TENM3: variants seen among roughly 807,000 people sequenced by gnomAD.
TENM3 encodes teneurin-3.
A neutral mutation model predicts 255.1 loss-of-function variants in TENM3; 63 were observed. The ratio of observed to expected loss-of-function variants is 0.25; its 90% CI spans 0.20 to 0.30. TENM3 has a LOEUF of 0.30. TENM3 is among the 10% of genes least tolerant of loss of function. The probability of loss-of-function intolerance (pLI) is 1.00; values close to 1 mark genes in which losing one functional copy is unlikely to be tolerated. For missense variants in TENM3, 2,929 were observed against 3,461.1 expected (o/e 0.85, Z 3.86); for synonymous variants, 1,306 against 1,322.3 (o/e 0.99, Z 0.27).
At chr4:181,711,526 T>C in the TENM3 span, among the ~76,000 whole-genome samples, 2 of 152,210 alleles carry the variant, frequency 1.3e-5, no homozygotes, top group Admixed American at 1.3e-4. Flanking sequence ...TTGACATTTT[T>C]AAAAGTCATA....
chr4:181,659,499 A>G, the TENM3 span, among the ~76,000 whole-genome samples: 1 of 152,212 alleles, frequency 6.6e-6, no homozygotes, highest in Non-Finnish European at 1.5e-5. Context: ...GAGTGAAGAA[A>G]CAAATATTCT....
chr4:182,557,525 G>A (rs530452564), intron 3 of TENM3, among the ~76,000 whole-genome samples: 2 of 152,184 alleles, frequency 1.3e-5, no homozygotes, highest in African/African-American at 4.8e-5. Flanking sequence ...TCATTTCTAC[G>A]GAACCCTAAG....
At chr4:182,022,531 A>T in the TENM3 span, among the ~76,000 whole-genome samples, 5 of 64,690 alleles carry the variant, frequency 7.7e-5, no homozygotes, top group South Asian at 6.4e-4. Context: ...TCCCCTGAAT[A>T]AAAAAAAAAA....
chr4:182,294,186 A>G (rs1761313379), intron 1 of TENM3, among the ~76,000 whole-genome samples: 2 of 152,168 alleles, frequency 1.3e-5, no homozygotes, highest in Non-Finnish European at 2.9e-5. Flanking sequence ...ATACTGTGAA[A>G]CTTCAGTCGT....
the TENM3 span, among the ~76,000 whole-genome samples, chr4:181,461,750 T>C: frequency 1.3e-5 from 2 of 152,176 alleles, no homozygotes; most frequent in African/African-American, 4.8e-5. Context: ...CTCATCATGT[T>C]TGTGTTTTCT....
rs79913388 is a variant in TENM3 at position 182,190,059 on chromosome 4, T to C, written c.-76+45305T>C. Reference sequence around the variant, plus strand: ...GAGATGGGAAGATGAACAAGTATTATATTTTGAGTTCTTTCCTACACTGTC... The same window carrying C: ...GAGATGGGAAGATGAACAAGTATTACATTTTGAGTTCTTTCCTACACTGTC... On this transcript the variant is annotated intron_variant, in intron 1 of 2. Coordinates refer to the TENM3 transcript ENST00000512480. 5.3e-3 allele frequency among the ~76,000 whole-genome samples: 807 copies of C among 152,326 alleles called. 10 individuals carry two copies. Among genetic ancestry groups the C allele is most frequent in the African/African-American group, 0.019 (779 of 41,568 alleles).
At chr4:181,868,574 A>G in the TENM3 span, among the ~76,000 whole-genome samples, 45 of 152,298 alleles carry the variant, frequency 3.0e-4, no homozygotes, top group African/African-American at 1.0e-3. Context: ...TTTGTGCTTA[A>G]TAAATTACAA....
chr4:182,794,315 C>T (rs1279519441), intron 26 of TENM3, among the ~76,000 whole-genome samples: 1 of 152,116 alleles, frequency 6.6e-6, no homozygotes, highest in African/African-American at 2.4e-5. Context: ...ACTTAGGGCA[C>T]AAATATAATA....
At chr4:182,173,778 C>T (rs1002580329) in intron 1 of TENM3, among the ~76,000 whole-genome samples, 1 of 152,144 alleles carries the variant, frequency 6.6e-6, no homozygotes, top group Non-Finnish European at 1.5e-5. Flanking sequence ...TTACGTAAAT[C>T]CAGCAGCGAA....
At chr4:181,727,507 C>T in the TENM3 span, among the ~76,000 whole-genome samples, 1 of 152,164 alleles carries the variant, frequency 6.6e-6, no homozygotes, top group East Asian at 1.9e-4. Context: ...TATAATATCA[C>T]AGCTTGAGAA....
At chr4:181,764,817 A>T in the TENM3 span, among the ~76,000 whole-genome samples, 1 of 152,048 alleles carries the variant, frequency 6.6e-6, no homozygotes, top group Non-Finnish European at 1.5e-5. Context: ...CAGCCCCCTG[A>T]GTAGCTGGGA....
At chr4:182,786,340 T>C (rs1388604998) in intron 24 of TENM3, among the ~76,000 whole-genome samples, 2 of 152,038 alleles carry the variant, frequency 1.3e-5, no homozygotes, top group Non-Finnish European at 2.9e-5. Flanking sequence ...GTGGATCACC[T>C]GAGGTCAGGA....
the TENM3 span, among the ~76,000 whole-genome samples, chr4:182,133,031 G>A: frequency 3.3e-5 from 5 of 152,152 alleles, no homozygotes; most frequent in Non-Finnish European, 5.9e-5. Flanking sequence ...GGCGAGTCAG[G>A]AGGAGGAGGG....
chr4:182,096,474 A>G, the TENM3 span, among the ~76,000 whole-genome samples: 3 of 152,222 alleles, frequency 2.0e-5, no homozygotes, highest in Non-Finnish European at 4.4e-5. Flanking sequence ...TATTTCAACT[A>G]ATAAATGAAA....
At chr4:181,815,859 A>G in the TENM3 span, among the ~76,000 whole-genome samples, 1 of 152,222 alleles carries the variant, frequency 6.6e-6, no homozygotes, top group Non-Finnish European at 1.5e-5. Flanking sequence ...TGAAAAACAA[A>G]CCTGTGAAAA....
At chr4:181,711,206 A>G in the TENM3 span, among the ~76,000 whole-genome samples, 3 of 152,224 alleles carry the variant, frequency 2.0e-5, no homozygotes, top group African/African-American at 2.4e-5. Flanking sequence ...ATGCACAAGA[A>G]CTAATATAAA....
At chr4:181,789,849 C>T in the TENM3 span, among the ~76,000 whole-genome samples, 1 of 152,126 alleles carries the variant, frequency 6.6e-6, no homozygotes, top group Non-Finnish European at 1.5e-5. Flanking sequence ...ATGCCACCCC[C>T]TCCCCGGTAC....
At chr4:182,391,783 A>G (rs1262056760) in intron 3 of TENM3, among the ~76,000 whole-genome samples, 4 of 152,196 alleles carry the variant, frequency 2.6e-5, no homozygotes, top group African/African-American at 4.8e-5. Flanking sequence ...GGTACTTAAA[A>G]ATGTTTATTG....
the TENM3 span, among the ~76,000 whole-genome samples, chr4:182,134,773 A>C: frequency 1.1e-4 from 16 of 152,324 alleles, no homozygotes; most frequent in Non-Finnish European, 2.2e-4. Context: ...ACTAAAAATC[A>C]GATCACATGG....
Sources: allele counts gnomAD v4.1 joint callset (sites outside exome capture counted in the v4.1 genomes callset), GRCh38; gene constraint gnomAD v4.1.1; transcripts MANE v1.5; gene names NCBI Gene and HGNC (gene_info 2026-07-23, HGNC 2026-07-21).